PDIA2: variants seen among roughly 807,000 people sequenced by gnomAD.
PDIA2 encodes protein disulfide-isomerase A2.
PDIA2 carries 76 observed loss-of-function variants against 51.1 expected under a neutral mutation model. The observed-to-expected ratio is 1.49, with a 90% CI of 1.24 to 1.80. The LOEUF (loss-of-function observed/expected upper bound fraction) is 1.80. Among genes scored for constraint, PDIA2 ranks in the 40% most tolerant of loss-of-function variants. The probability of loss-of-function intolerance (pLI) is 0.00; values close to 1 mark genes in which losing one functional copy is unlikely to be tolerated. For synonymous variants in PDIA2, 429 were observed against 309.9 expected (o/e 1.38, Z -4.04); for missense variants, 946 against 706.5 (o/e 1.34, Z -3.84).
chr16:286,394 G>A lies in PDIA2; in HGVS notation c.1161G>A (p.Gln387=). The A allele has an allele frequency of 3.1e-6, 5 of 1,610,998 alleles. No homozygotes were observed. Among genetic ancestry groups the A allele is most frequent in the Non-Finnish European group, 2.5e-6 (3 of 1,179,482 alleles). Residue 387 remains glutamine (Q), a synonymous_variant, in exon 8 of 11, where the codon CAG becomes CAA. Coordinates refer to ENST00000219406, the MANE Select transcript of PDIA2 (RefSeq NM_006849.4). ...AGGAGATACCCCCTGATTGGGATCA[G>A]CGGCCAGTTAAGACCCTCGTGGGCA... ...LSQEIPPDWD[Q]RPVKTLVGKN...
At chr16:286,047 C>CCAACCT (rs1193599061) in intron 7 of PDIA2, among the ~76,000 whole-genome samples, 1 of 133,294 alleles carries the variant, frequency 7.5e-6, no homozygotes, top group Non-Finnish European at 1.6e-5. Context: ...TCTCCCAACC[C>CCAACCT]CAACCTCAAC....
At position 285,378 on chromosome 16, in the gene PDIA2, G is replaced by A. The variant is rs1555470816; in HGVS notation, c.862G>A (p.Ala288Thr). The A allele has an allele frequency of 4.3e-6, 7 of 1,612,598 alleles. No individual in the cohort carries two copies. In the East Asian group the frequency reaches 8.9e-5, roughly 21 times the overall value. ...GCTGCTGTTTGTCAACCAGACGCTG[G>A]CTGCGCACCGGGAGCTCCTAGCGGG... The part of the protein sequence containing the change: ...HLLLFVNQTL[A>T]AHRELLAGFG... Residue 288 changes from alanine (A) to threonine (T), a missense_variant, in exon 6 of 11, where the codon GCT (alanine) becomes ACT (threonine). Physicochemically the swap from Ala to Thr is moderately conservative, Grantham distance 58. Transcript: ENST00000219406.
Position 287,077 on chromosome 16 carries a change from G to A in PDIA2, c.1542G>A (p.Pro514=), listed in dbSNP as rs370503482. ...CTTGTGACCCTTTCTAGGAGCCACC[G>A]GCCAACTCCACTATGGGGTCCAAGG... is the stretch of plus-strand genomic sequence containing the variant. ...EEPAAPFPEP[P]ANSTMGSKEE... is the part of the protein sequence containing the mutation. Residue 514 remains proline, a synonymous_variant, in exon 11 of 11, where the codon CCG becomes CCA. Transcript: ENST00000219406. 60 of 1,612,652 alleles carry A rather than the reference G, an allele frequency of 3.7e-5. No homozygotes were observed. Among genetic ancestry groups the A allele is most frequent in the African/African-American group, 2.1e-4 (16 of 74,904 alleles).
chr16:284,308 T>G, intron 1 of PDIA2, 79 bp from the exon 2 acceptor site: 1 of 1,375,854 alleles, frequency 7.3e-7, no homozygotes, highest in Non-Finnish European at 1.0e-6. Flanking sequence ...GCACGCTTGT[T>G]CCCTGCTGGG....
Position 286,481 on chromosome 16 carries a change from T to C in PDIA2, c.1240+8T>C, listed in dbSNP as rs898075784. ...ATGTGTTTGTCAAGTTCTGTGAGTG[T>C]TGAGGGAGGCAGGGGTGGTGTGGGC... On this transcript the variant is annotated splice_region_variant and intron_variant, in intron 8 of 10. Transcript: ENST00000219406. The C allele has an allele frequency of 2.5e-6, 4 of 1,612,960 alleles. No homozygotes were observed. Among genetic ancestry groups the C allele is most frequent in the East Asian group, 2.2e-5 (1 of 44,850 alleles).
intron 1 of PDIA2, 116 bp from the exon 2 acceptor site, chr16:284,271 G>A (rs1032323583): frequency 4.8e-5 from 52 of 1,076,630 alleles, no homozygotes; most frequent in Middle Eastern, 2.9e-4. Flanking sequence ...GCTTGTCCAC[G>A]GCCAGGGCTC....
chr16:285,829 C>A, intron 7 of PDIA2, 126 bp downstream of exon 7: 1 of 1,086,748 alleles, frequency 9.2e-7, no homozygotes, highest in Non-Finnish European at 1.3e-6. Context: ...CCCCCTCAAC[C>A]CGGCAATTCT....
At chr16:285,958 C>T (rs1168863154) in intron 7 of PDIA2, among the ~76,000 whole-genome samples, 2 of 59,938 alleles carry the variant, frequency 3.3e-5, no homozygotes, top group East Asian at 5.1e-4. Context: ...ACCCCAACCC[C>T]GCGGTTCTCC....
chr16:286,318 A>C (rs766955665), intron 7 of PDIA2, 35 bp from the exon 8 acceptor site: 21 of 1,405,280 alleles, frequency 1.5e-5, no homozygotes, highest in Admixed American at 1.4e-4. Context: ...CCTGCAGAGG[A>C]CCCCTGGCAA....
Position 286,901 on chromosome 16 carries a change from C to T in PDIA2, c.1489C>T (p.Leu497=), listed in dbSNP as rs560198136. Residue 497 remains leucine (L), a synonymous_variant, in exon 10 of 11, where the codon CTG becomes TTG. Transcript: ENST00000219406. ...FSKFLDNGGV[L]PTEEPPEEPA... ...CAAGTTCCTGGACAACGGGGGCGTG[C>T]TGCCCACGGAGGAGCCCCCGGAGGA... The T allele has an allele frequency of 2.8e-5, 45 of 1,603,004 alleles. 1 individual carries two copies. The South Asian group carries it at 4.7e-4, about 17-fold the overall frequency.
rs368783340 is a variant in PDIA2 at position 284,753 on chromosome 16, G to C, written c.501G>C (p.Leu167=). ...RLEDEAAAQA[L]IGGRDLVVIG... ...AGGACGAGGCGGCCGCCCAGGCGCT[G>C]ATCGGTGGCCGGGACCTAGTGGTCA... The change falls in exon 3 of 11, where the codon CTG becomes CTC. Residue 167 remains leucine, a synonymous_variant. Coordinates refer to ENST00000219406, the MANE Select transcript of PDIA2 (RefSeq NM_006849.4). 12 of 1,563,934 alleles carry C rather than the reference G, an allele frequency of 7.7e-6. No individual in the cohort carries two copies. The African/African-American group carries it at 1.6e-4, about 21-fold the overall frequency.
At position 284,600 on chromosome 16, in the gene PDIA2, G is replaced by A. The variant is rs1467298349; in HGVS notation, c.406+7G>A. On this transcript the variant is annotated splice_region_variant and intron_variant, in intron 2 of 10. Coordinates refer to ENST00000219406, the MANE Select transcript of PDIA2 (RefSeq NM_006849.4). The stretch of plus-strand genomic sequence containing the variant: ...CACCCGGAGGAGTACACAGGTGAGG[G>A]GCAGGCCGGTCATTGGGGGGGCGGT... 1 of 1,609,472 alleles carries A rather than the reference G, an allele frequency of 6.2e-7. No homozygotes were observed. Among genetic ancestry groups the A allele is most frequent in the African/African-American group, 1.4e-5 (1 of 73,744 alleles).
chr16:284,890 G>GGCCCCTCAGGACCTGCAGGACA lies in PDIA2; in HGVS notation c.553_554insGCCCCTCAGGACCTGCAGGACA (p.Glu185GlyfsTer51). ...CCAGGCCCCTCAGGACCTGCAGGAC[G>GGCCCCTCAGGACCTGCAGGACA]AGGACGTGGCCACCTTCTTGGCCTT... On this transcript the variant is annotated frameshift_variant, in exon 4 of 11. Coordinates refer to ENST00000219406, the MANE Select transcript of PDIA2 (RefSeq NM_006849.4). LOFTEE classifies it high-confidence loss of function. 1.2e-6 allele frequency: 2 copies of GGCCCCTCAGGACCTGCAGGACA among 1,612,832 alleles called. No homozygotes were observed. Among genetic ancestry groups the GGCCCCTCAGGACCTGCAGGACA allele is most frequent in the Non-Finnish European group, 1.7e-6 (2 of 1,179,880 alleles).
In PDIA2 at chr16:285,678, A is replaced by G; in HGVS notation, c.1094A>G (p.His365Arg). 1 of 1,613,128 alleles carries G rather than the reference A, an allele frequency of 6.2e-7. No individual in the cohort carries two copies. Among genetic ancestry groups the G allele is most frequent in the Non-Finnish European group, 8.5e-7 (1 of 1,179,922 alleles). Residue 365 changes from histidine (H) to arginine (R), a missense_variant, in exon 7 of 11, where the codon CAT (histidine) becomes CGT (arginine). Physicochemically the swap from His to Arg is conservative, Grantham distance 29. Transcript: ENST00000219406. ...VTAASITAFC[H>R]AVLNGQVKPY... ...GCAGCGTCCATCACTGCTTTCTGCC[A>G]TGCAGTCCTCAACGGCCAAGTCAAG...
chr16:284,188 C>T (rs896895568), intron 1 of PDIA2, 199 bp from the exon 2 acceptor site: 2 of 620,360 alleles, frequency 3.2e-6, no homozygotes. Context: ...GGGGGGTGGT[C>T]TTTCAAGCTC....
rs540602732 is a variant in PDIA2, at chr16:286,559, C to G, written c.1246C>G (p.Pro416Ala). Reference protein sequence around the residue: ...TKNVFVKFYAPWCTHCKEMAP... With the variant: ...TKNVFVKFYAAWCTHCKEMAP... ...CTCAACGGCTCCCATCCTAGATGCC[C>G]CGTGGTGCACCCACTGCAAGGAGAT... The change falls in exon 9 of 11, where the codon CCG becomes GCG. Residue 416 changes from proline (P) to alanine (A), a missense_variant. Pro to Ala is a conservative substitution (Grantham distance 27). Coordinates refer to ENST00000219406, the MANE Select transcript of PDIA2 (RefSeq NM_006849.4). 73 of 1,612,870 alleles carry G rather than the reference C, an allele frequency of 4.5e-5. No homozygotes were observed. In the South Asian group the frequency reaches 7.6e-4, roughly 17 times the overall value.
At chr16:285,747 A>T (rs1418553205) in intron 7 of PDIA2, 44 bp downstream of exon 7, 1 of 1,585,272 alleles carries the variant, frequency 6.3e-7, no homozygotes, top group South Asian at 1.1e-5. Flanking sequence ...CCCTGACCTC[A>T]TCCCACCAGC....
chr16:286,415 G>C lies in PDIA2; in HGVS notation c.1182G>C (p.Val394=), dbSNP rs1365353460. ...ATCAGCGGCCAGTTAAGACCCTCGT[G>C]GGCAAGAATTTTGAGCAGGTGGCTT... The part of the protein sequence containing the change: ...DWDQRPVKTL[V]GKNFEQVAFD... Residue 394 remains valine, a synonymous_variant, in exon 8 of 11, where the codon GTG becomes GTC. Transcript: ENST00000219406. 2 of 1,612,466 alleles carry C rather than the reference G, an allele frequency of 1.2e-6. No individual in the cohort carries two copies. Among genetic ancestry groups the C allele is most frequent in the African/African-American group, 1.3e-5 (1 of 74,622 alleles).
In PDIA2 at chr16:285,603, A is replaced by C. The variant is rs925341504; in HGVS notation, c.1019A>C (p.Asn340Thr). ...AEAAPTLRLV[N>T]LETTKKYAPV... is the part of the protein sequence containing the mutation. Reference sequence around the variant, plus strand: ...GCAGCCCCCACTCTGCGCTTGGTCAACCTTGAAACCACTAAGAAGTATGCG... The same window carrying C: ...GCAGCCCCCACTCTGCGCTTGGTCACCCTTGAAACCACTAAGAAGTATGCG... Residue 340 changes from asparagine (N) to threonine (T), a missense_variant, in exon 7 of 11, where the codon AAC becomes ACC. Coordinates refer to ENST00000219406, the MANE Select transcript of PDIA2 (RefSeq NM_006849.4). 6.2e-7 allele frequency: 1 copy of C among 1,613,262 alleles called. No individual in the cohort carries two copies. The highest frequency in any genetic ancestry group is 2.2e-5 in the East Asian group (1 of 44,876).
Sources: allele counts gnomAD v4.1 joint callset (sites outside exome capture counted in the v4.1 genomes callset), GRCh38; gene constraint gnomAD v4.1.1; transcripts MANE v1.5; gene names NCBI Gene and HGNC (gene_info 2026-07-23, HGNC 2026-07-21).